The following CFH variants were observed in gnomAD, a reference collection of about 807,000 sequenced individuals.
CFH encodes the protein H factor 1 (complement).
In CFH, 53 loss-of-function variants were observed where a neutral mutation model predicts 147.3. The ratio of observed to expected loss-of-function variants is 0.36; its 90% CI spans 0.29 to 0.45. The LOEUF (loss-of-function observed/expected upper bound fraction) is 0.45. Ranked by LOEUF, CFH falls within the 20% of genes least tolerant of loss-of-function variation. The pLI is 1.00. For synonymous variants in CFH, 536 were observed against 489.4 expected (o/e 1.10, Z -1.26); for missense variants, 1,380 against 1,498.0 (o/e 0.92, Z 1.30).
intron 17 of CFH, among the ~76,000 whole-genome samples, chr1:196,738,156 C>T (rs1321538706): frequency 6.6e-6 from 1 of 152,072 alleles, no homozygotes; most frequent in Non-Finnish European, 1.5e-5. Flanking sequence ...GGATAACTGC[C>T]CCCATTATTC....
intron 1 of CFH, among the ~76,000 whole-genome samples, chr1:196,672,144 A>G (rs1358022763): frequency 2.6e-5 from 4 of 152,138 alleles, no homozygotes; most frequent in Admixed American, 2.0e-4. Flanking sequence ...AGAATTCTTC[A>G]TGCTAGATAT....
At chr1:196,701,531 G>A in intron 9 of CFH, 1 of 678,350 alleles carries the variant, frequency 1.5e-6, no homozygotes, top group Admixed American at 2.9e-5. Context: ...TGGGGCTGGT[G>A]GCTTTGAGAT....
intron 15 of CFH, 97 bp from the exon 16 acceptor site, chr1:196,736,727 T>G: frequency 2.0e-6 from 1 of 503,962 alleles, no homozygotes; most frequent in Non-Finnish European, 2.8e-6. Context: ...TATTCTATTT[T>G]AATCATATAA....
chr1:196,702,857 T>C (rs1227501318), intron 9 of CFH, among the ~76,000 whole-genome samples: 2 of 152,120 alleles, frequency 1.3e-5, no homozygotes, highest in African/African-American at 4.8e-5. Context: ...GGAGTCTCAG[T>C]AAGGTCCAGG....
At chr1:196,688,970 A>G (rs1174770316) in intron 7 of CFH, among the ~76,000 whole-genome samples, 1 of 152,126 alleles carries the variant, frequency 6.6e-6, no homozygotes, top group Non-Finnish European at 1.5e-5. Flanking sequence ...ACTTCCTTAC[A>G]TTGAATTGTT....
chr1:196,692,745 T>TC (rs1668086707), intron 9 of CFH, among the ~76,000 whole-genome samples: 8 of 139,886 alleles, frequency 5.7e-5, no homozygotes, highest in Admixed American at 4.5e-4. Flanking sequence ...CCTTCCTTTC[T>TC]TTTTCTTTCT....
chr1:196,718,780 G>A (rs1341691638), intron 11 of CFH, among the ~76,000 whole-genome samples: 3 of 152,086 alleles, frequency 2.0e-5, no homozygotes, highest in African/African-American at 7.2e-5. Flanking sequence ...GGCGGACATA[G>A]CAGTAGAAGC....
chr1:196,734,986 G>T (rs974917188), intron 15 of CFH, among the ~76,000 whole-genome samples: 1 of 151,816 alleles, frequency 6.6e-6, no homozygotes. Flanking sequence ...CTCAATCTTA[G>T]GGTGAAAAAT....
chr1:196,695,716 C>T (rs865964949), intron 9 of CFH, among the ~76,000 whole-genome samples: 12 of 152,140 alleles, frequency 7.9e-5, no homozygotes, highest in African/African-American at 2.9e-4. Context: ...TGAAGAGTTC[C>T]TTCGCATCCC....
intron 9 of CFH, among the ~76,000 whole-genome samples, chr1:196,690,606 T>C (rs1667990605): frequency 6.6e-6 from 1 of 151,886 alleles, no homozygotes; most frequent in Non-Finnish European, 1.5e-5. Context: ...GGAGTGAGTT[T>C]AGGAGCACAG....
intron 9 of CFH, among the ~76,000 whole-genome samples, chr1:196,705,542 T>C (rs1191222335): frequency 6.6e-6 from 1 of 152,226 alleles, no homozygotes; most frequent in African/African-American, 2.4e-5. Flanking sequence ...TGGATCTGGC[T>C]ACTGAGACCC....
chr1:196,702,373 A>G (rs1387452274), intron 9 of CFH, among the ~76,000 whole-genome samples: 2 of 152,092 alleles, frequency 1.3e-5, no homozygotes, highest in East Asian at 3.9e-4. Flanking sequence ...TTTCCCCATA[A>G]CAACTGCTTA....
At chr1:196,725,008 T>G in intron 11 of CFH, 113 bp from the exon 12 acceptor site, 1 of 797,592 alleles carries the variant, frequency 1.3e-6, no homozygotes, top group South Asian at 1.7e-5. Flanking sequence ...AGGATTTATC[T>G]GATGCCCCTC....
intron 9 of CFH, among the ~76,000 whole-genome samples, chr1:196,709,908 T>A (rs1456411428): frequency 6.6e-6 from 1 of 151,914 alleles, no homozygotes; most frequent in Non-Finnish European, 1.5e-5. Flanking sequence ...GCTCAGGAGA[T>A]CTGAGGTGGG....
In CFH at chr1:196,690,198, T is replaced by A; in HGVS notation, c.1295T>A (p.Met432Lys). 1 of 1,613,452 alleles carries A rather than the reference T, an allele frequency of 6.2e-7. No homozygotes were observed. Among genetic ancestry groups the A allele is most frequent in the South Asian group, 1.1e-5 (1 of 91,086 alleles). ...LPKAQTTVTCMENGWSPTPRC... is the reference protein window; with the variant it reads ...LPKAQTTVTCKENGWSPTPRC... Reference sequence around the variant, plus strand: ...AAAGCGCAGACCACAGTTACATGTATGGAGAATGGCTGGTCTCCTACTCCC... The same window carrying A: ...AAAGCGCAGACCACAGTTACATGTAAGGAGAATGGCTGGTCTCCTACTCCC... The change falls in exon 9 of 22, where the codon ATG becomes AAG. Residue 432 changes from methionine (M) to lysine (K), a missense_variant. This residue lies in a region of CFH where 830 missense variants were observed against 821.4 expected (regional missense o/e 1.01). Transcript: ENST00000367429.
At chr1:196,665,677 G>C (rs1363497781) in intron 1 of CFH, among the ~76,000 whole-genome samples, 3 of 152,074 alleles carry the variant, frequency 2.0e-5, no homozygotes, top group Non-Finnish European at 4.4e-5. Context: ...GCGTGATCTT[G>C]GGTTACTGCA....
intron 6 of CFH, among the ~76,000 whole-genome samples, chr1:196,681,135 A>G (rs1667637342): frequency 6.6e-6 from 1 of 151,908 alleles, no homozygotes; most frequent in Admixed American, 6.6e-5. Flanking sequence ...TAGTGAATTT[A>G]TCCATGCAGT....
chr1:196,715,539 AGATT>A (rs1668849308), intron 10 of CFH, 50 bp from the exon 11 acceptor site: 1 of 1,365,786 alleles, frequency 7.3e-7, no homozygotes, highest in African/African-American at 1.4e-5. Flanking sequence ...GGAAATACTC[AGATT>A]GTTTATTAGA....
chr1:196,673,281 T>G, intron 2 of CFH, 118 bp downstream of exon 2: 1 of 989,742 alleles, frequency 1.0e-6, no homozygotes, highest in Non-Finnish European at 1.5e-6. Flanking sequence ...TACAAAATAA[T>G]ACATAATCTT....
Sources: gnomAD v4.1 joint callset for allele counts (sites outside exome capture counted in the v4.1 genomes callset) on GRCh38, gnomAD v4.1.1 for gene constraint, gnomAD v4.1.1 regional missense constraint, MANE v1.5 for transcripts, NCBI Gene and HGNC (gene_info 2026-07-23, HGNC 2026-07-21) for gene names.